The following SPDYE4 variants were observed in gnomAD, a reference collection of about 807,000 sequenced individuals.
SPDYE4 encodes speedy/RINGO cell cycle regulator family member E4.
Under a neutral mutation model 37.5 loss-of-function variants are expected in SPDYE4, and 30 were observed. That is an observed-to-expected ratio of 0.80 (90% CI 0.60 to 1.09). The LOEUF is 1.09. Among genes scored for constraint, SPDYE4 ranks in the 50% least tolerant of loss-of-function variants. The pLI, the probability that SPDYE4 is intolerant of heterozygous loss-of-function variation, is 0.00. For synonymous variants in SPDYE4, 131 were observed against 120.3 expected (o/e 1.09, Z -0.58); for missense variants, 300 against 307.9 (o/e 0.97, Z 0.19).
At chr17:8,755,815 A>C (rs1026428460) in intron 3 of SPDYE4, among the ~76,000 whole-genome samples, 6 of 152,046 alleles carry the variant, frequency 3.9e-5, no homozygotes, top group Non-Finnish European at 7.4e-5. Context: ...GAGGTCTGTG[A>C]TGCTCCCATG....
chr17:8,754,573 C>A (rs1014380041), intron 4 of SPDYE4, among the ~76,000 whole-genome samples: 1 of 151,824 alleles, frequency 6.6e-6, no homozygotes, highest in African/African-American at 2.4e-5. Flanking sequence ...AGTCTCTGTC[C>A]GGTAAAGATA....
At chr17:8,753,921 C>A (rs543978248) in intron 4 of SPDYE4, among the ~76,000 whole-genome samples, 5 of 152,210 alleles carry the variant, frequency 3.3e-5, no homozygotes, top group South Asian at 2.1e-4. Flanking sequence ...TCCTCCCACA[C>A]CCCCCTTCCT....
chr17:8,754,266 G>A (rs997520037), intron 4 of SPDYE4, among the ~76,000 whole-genome samples: 1 of 152,200 alleles, frequency 6.6e-6, no homozygotes. Context: ...AAAATGAAAA[G>A]AATTGTGCTG....
intron 4 of SPDYE4, 128 bp from the exon 5 acceptor site, chr17:8,753,617 C>T (rs529003094): frequency 3.5e-6 from 4 of 1,131,954 alleles, no homozygotes; most frequent in Admixed American, 2.8e-5. Context: ...CTGCAGAGAG[C>T]CCTGCCTTCC....
chr17:8,753,890 C>T (rs1231000580), intron 4 of SPDYE4, among the ~76,000 whole-genome samples: 1 of 152,138 alleles, frequency 6.6e-6, no homozygotes, highest in Non-Finnish European at 1.5e-5. Flanking sequence ...GACGTCACCT[C>T]ATCCTAGTCC....
intron 2 of SPDYE4, 86 bp from the exon 3 acceptor site, chr17:8,756,522 C>T (rs1369897647): frequency 7.6e-7 from 1 of 1,324,138 alleles, no homozygotes; most frequent in African/African-American, 1.4e-5. Flanking sequence ...CTGTGTCCCT[C>T]TGGGGGAAGT....
chr17:8,757,344 C>T lies in SPDYE4; in HGVS notation c.258G>A (p.Leu86=). 1 of 1,600,600 alleles carries T rather than the reference C, an allele frequency of 6.2e-7. No individual in the cohort carries two copies. The highest frequency in any genetic ancestry group is 2.3e-5 in the East Asian group (1 of 44,426). The change falls in exon 2 of 7, where the codon CTG becomes CTA. Residue 86 remains leucine (L), a synonymous_variant. Transcript: ENST00000689094. The part of the protein sequence containing the change: ...EPEDTWVVET[L]CGLKMKLKRK... ...GCTTCAGCTTCATCTTGAGCCCACA[C>T]AGCGTCTCCACCACCCAGGTGTCCT...
At chr17:8,755,738 G>A in intron 3 of SPDYE4, 133 bp from the exon 4 acceptor site, 1 of 1,168,418 alleles carries the variant, frequency 8.6e-7, no homozygotes. Context: ...GGGTGACTAT[G>A]CTCATTGGGG....
At chr17:8,749,337 C>T (rs1390567395), downstream of SPDYE4, among the ~76,000 whole-genome samples, 1 of 151,912 alleles carries the variant, frequency 6.6e-6, no homozygotes, top group Non-Finnish European at 1.5e-5. Context: ...GATCTAGGCT[C>T]ACTGCCACCT....
downstream of SPDYE4, among the ~76,000 whole-genome samples, chr17:8,748,872 G>A (rs978854638): frequency 6.6e-6 from 1 of 152,216 alleles, no homozygotes. Context: ...GGGACAGGAA[G>A]GCAACTCAGG....
chr17:8,754,083 G>T (rs925138955), intron 4 of SPDYE4, among the ~76,000 whole-genome samples: 1 of 152,134 alleles, frequency 6.6e-6, no homozygotes, highest in East Asian at 1.9e-4. Flanking sequence ...AACAAGCATT[G>T]CTGTGAACTC....
rs1439467001 is a variant in SPDYE4 at position 8,755,322 on chromosome 17, T to C, written c.485+198A>G. The C allele has an allele frequency of 1.6e-5, 11 of 688,470 alleles. No individual in the cohort carries two copies. The East Asian group carries it at 3.5e-4, about 22-fold the overall frequency. The allele number at this position is 688,470 out of a possible 1,614,324, so 42.6% of individuals were successfully genotyped here. A position where few individuals can be genotyped will look rare whatever the true frequency, so the allele number is the denominator to read the frequency against. On this transcript the variant is annotated intron_variant, in intron 4 of 6. Coordinates refer to ENST00000689094, the MANE Select transcript of SPDYE4 (RefSeq NM_001394956.1). ...CGGGTTTATGTTTCCTTTTGTTTGA[T>C]TCTACTATTTGTCAACTGCATTTGT...
intron 4 of SPDYE4, among the ~76,000 whole-genome samples, chr17:8,755,090 G>A (rs1054455630): frequency 4.6e-5 from 7 of 152,210 alleles, no homozygotes; most frequent in South Asian, 2.1e-4. Context: ...GGCAGGACTC[G>A]CAGGAATGCC....
intron 3 of SPDYE4, 98 bp downstream of exon 3, chr17:8,756,280 T>C: frequency 8.9e-7 from 1 of 1,129,586 alleles, no homozygotes; most frequent in South Asian, 1.4e-5. Flanking sequence ...TGGGAGATGG[T>C]AGAGGGAGAG....
chr17:8,747,647 G>A (rs1245369523), downstream of SPDYE4, among the ~76,000 whole-genome samples: 2 of 152,194 alleles, frequency 1.3e-5, no homozygotes, highest in African/African-American at 4.8e-5. Flanking sequence ...CCAATGGTGA[G>A]AGACCTGCCA....
intron 4 of SPDYE4, 66 bp downstream of exon 4, chr17:8,755,454 A>C: frequency 6.5e-7 from 1 of 1,538,588 alleles, no homozygotes. Context: ...GGAAGGTTGG[A>C]ATCCCACTTC....
At chr17:8,753,280 C>CCAACCCCCCCCCCCCCCCCCCCCCCCCAG in intron 5 of SPDYE4, 41 bp downstream of exon 5, 1 of 1,367,656 alleles carries the variant, frequency 7.3e-7, no homozygotes, top group Non-Finnish European at 9.9e-7. Context: ...CAGTCCACCC[C>CCAACCCCCCCCCCCCCCCCCCCCCCCCAG]ATCCCTCCCC....
At position 8,757,982 on chromosome 17, in the gene SPDYE4, C is replaced by T. The variant is rs189564303; in HGVS notation, c.109+292G>A. Among the ~76,000 whole-genome samples the T allele has an allele frequency of 5.9e-5, 9 of 152,088 alleles. No homozygotes were observed. In the South Asian group the frequency reaches 8.3e-4, roughly 14 times the overall value. ...ATTTTTGGTAGAGACAGGGTTTCATCGTGTTAACCAGGATGGTCTCGATCT... is the reference window on the plus strand; with the variant it reads ...ATTTTTGGTAGAGACAGGGTTTCATTGTGTTAACCAGGATGGTCTCGATCT... On this transcript the variant is annotated intron_variant, in intron 1 of 6. Transcript: ENST00000689094.
downstream of SPDYE4, among the ~76,000 whole-genome samples, chr17:8,749,624 T>C (rs2151143439): frequency 6.6e-6 from 1 of 152,106 alleles, no homozygotes; most frequent in African/African-American, 2.4e-5. Context: ...CTCTTGAACT[T>C]CTGGGCTCAA....
Sources: allele counts gnomAD v4.1 joint callset (sites outside exome capture counted in the v4.1 genomes callset), GRCh38; gene constraint gnomAD v4.1.1; transcripts MANE v1.5; gene names NCBI Gene and HGNC (gene_info 2026-07-23, HGNC 2026-07-21).